Variants in TTC28 observed in about 807,000 individuals in gnomAD.
The protein encoded by TTC28 is tetratricopeptide repeat domain 28.
TTC28 carries 61 observed loss-of-function variants against 198.0 expected under a neutral mutation model. The observed-to-expected ratio is 0.31, with a 90% confidence interval of 0.25 to 0.38. The LOEUF (loss-of-function observed/expected upper bound fraction) is 0.38, where lower values mean the gene tolerates loss of function less well. Ranked by LOEUF, TTC28 falls within the 10% of genes least tolerant of loss-of-function variation. The pLI, the probability that TTC28 is intolerant of heterozygous loss-of-function variation, is 1.00. For synonymous variants in TTC28, 1,171 were observed against 1,297.8 expected, an observed-to-expected ratio of 0.90 and a Z score of 2.10; for missense variants, 2,678 against 3,164.0, an observed-to-expected ratio of 0.85 and a Z score of 3.69.
rs531640982 is a variant in TTC28, at chr22:28,653,458, G to A, written c.103-23628C>T. Among the ~76,000 whole-genome samples the A allele has an allele frequency of 4.0e-5, 6 of 151,822 alleles. No individual in the cohort carries two copies. The East Asian group carries it at 5.8e-4, about 15-fold the overall frequency. On this transcript the variant is annotated intron_variant, in intron 1 of 22. Coordinates refer to ENST00000397906, the MANE Select transcript of TTC28 (RefSeq NM_001145418.2). The stretch of plus-strand genomic sequence containing the variant: ...GTCAAGACTGCAGTGAGCTGAGATG[G>A]TGCCACTGCACTCCAGCCTGGGTGA...
intron 5 of TTC28, among the ~76,000 whole-genome samples, chr22:28,292,730 A>G (rs1300555903): frequency 6.6e-6 from 1 of 152,166 alleles, no homozygotes; most frequent in Admixed American, 6.5e-5. Flanking sequence ...CCCCTCTAGA[A>G]TTCCAGAATT....
rs951775629 is a variant in TTC28, at chr22:28,277,608, G to A, written c.933+18590C>T. 4.6e-5 allele frequency among the ~76,000 whole-genome samples: 7 copies of A among 152,066 alleles called. 1 individual carries two copies. In the South Asian group the frequency reaches 8.3e-4, roughly 18 times the overall value. On this transcript the variant is annotated intron_variant, in intron 5 of 22. Coordinates refer to ENST00000397906, the MANE Select transcript of TTC28 (RefSeq NM_001145418.2). ...TTATCTTTCTAAAAACTGGACACACGGTAGATTTTGTTTCAGCATGGATAA... is the reference window on the plus strand; with the variant it reads ...TTATCTTTCTAAAAACTGGACACACAGTAGATTTTGTTTCAGCATGGATAA...
chr22:28,399,731 T>C (rs1213204933), intron 2 of TTC28, among the ~76,000 whole-genome samples: 1 of 152,244 alleles, frequency 6.6e-6, no homozygotes, highest in African/African-American at 2.4e-5. Context: ...TGTTGTTTCA[T>C]ATTACCAAAA....
chr22:28,181,585 G>C (rs1233180143), intron 5 of TTC28, among the ~76,000 whole-genome samples: 1 of 152,114 alleles, frequency 6.6e-6, no homozygotes, highest in Admixed American at 6.5e-5. Flanking sequence ...ACAGGCATCT[G>C]TGCTATGTGT....
intron 5 of TTC28, among the ~76,000 whole-genome samples, chr22:28,235,667 G>T (rs981202859): frequency 2.0e-5 from 3 of 152,166 alleles, no homozygotes; most frequent in Non-Finnish European, 4.4e-5. Flanking sequence ...ATATGGTAAT[G>T]GTAGCGTCTC....
Position 27,983,540 on chromosome 22 carries a change from GAGGCAGCTGGCTCCT to G in TTC28, c.6112_6126del (p.Arg2038_Pro2042del). On this transcript the variant is annotated inframe_deletion, in exon 23 of 23. Coordinates refer to ENST00000397906, the MANE Select transcript of TTC28 (RefSeq NM_001145418.2). ...TTGTTGCCTGCAGGGCGGGTCTGGG[GAGGCAGCTGGCTCCT>G]AGGCAGGGTGGATCTCTGCAGGTAA... is the stretch of plus-strand genomic sequence containing the variant. The G allele has an allele frequency of 6.4e-7, 1 of 1,551,370 alleles. No individual in the cohort carries two copies. The highest frequency in any genetic ancestry group is 8.7e-7 in the Non-Finnish European group (1 of 1,146,922).
Position 28,014,356 on chromosome 22 carries a change from A to G in TTC28, c.4110T>C (p.Thr1370=), listed in dbSNP as rs1402682735. 1.9e-5 allele frequency: 30 copies of G among 1,551,398 alleles called. No homozygotes were observed. The highest frequency in any genetic ancestry group is 2.4e-5 in the Non-Finnish European group (28 of 1,146,938). The change falls in exon 14 of 23, where the codon ACT becomes ACC. Residue 1370 remains threonine, a synonymous_variant. Coordinates refer to ENST00000397906, the MANE Select transcript of TTC28 (RefSeq NM_001145418.2). ...CQSMTSLFSN[T]VSPTQDGTSS... Reference sequence around the variant, plus strand: ...AGGTCCCGTCCTGGGTCGGTGACACAGTGTTACTGAACAGGCTCGTCATGC... The same window carrying G: ...AGGTCCCGTCCTGGGTCGGTGACACGGTGTTACTGAACAGGCTCGTCATGC...
intron 2 of TTC28, among the ~76,000 whole-genome samples, chr22:28,510,639 T>C (rs979656128): frequency 1.2e-4 from 18 of 152,054 alleles, no homozygotes; most frequent in Non-Finnish European, 2.1e-4. Flanking sequence ...CAACATAGTA[T>C]TGGAAGTTCT....
intron 5 of TTC28, among the ~76,000 whole-genome samples, chr22:28,199,847 G>C (rs925408711): frequency 6.6e-6 from 1 of 151,876 alleles, no homozygotes; most frequent in Non-Finnish European, 1.5e-5. Context: ...AAATGGGAGA[G>C]GGGCAAAGGG....
At chr22:28,168,023 A>C (rs1044737058) in intron 5 of TTC28, among the ~76,000 whole-genome samples, 8 of 152,230 alleles carry the variant, frequency 5.3e-5, no homozygotes, top group Non-Finnish European at 7.3e-5. Context: ...CCTATACACC[A>C]AAAACAGACA....
At chr22:28,153,144 A>T (rs1245918314) in intron 6 of TTC28, among the ~76,000 whole-genome samples, 4 of 151,994 alleles carry the variant, frequency 2.6e-5, no homozygotes, top group African/African-American at 9.7e-5. Context: ...ATATGATTTT[A>T]TAAAAGTAAT....
intron 2 of TTC28, among the ~76,000 whole-genome samples, chr22:28,492,773 G>A (rs2048396946): frequency 6.6e-6 from 1 of 152,166 alleles, no homozygotes; most frequent in Admixed American, 6.5e-5. Flanking sequence ...TTAGCCCTTA[G>A]CATACAGTCT....
At chr22:28,115,305 C>A (rs1381680373) in intron 6 of TTC28, among the ~76,000 whole-genome samples, 1 of 152,186 alleles carries the variant, frequency 6.6e-6, no homozygotes, top group East Asian at 1.9e-4. Context: ...GGACTACAGG[C>A]ACACACCACC....
intron 2 of TTC28, among the ~76,000 whole-genome samples, chr22:28,537,293 AAAAATAAAATAAAAT>A (rs58235209): frequency 0.027 from 2,959 of 110,288 alleles, 135 homozygotes; most frequent in Non-Finnish European, 0.037. Context: ...ACTCCGTCTC[AAAAATAAAATAAAAT>A]AAAATAAAAT....
intron 2 of TTC28, among the ~76,000 whole-genome samples, chr22:28,569,719 T>C (rs561685419): frequency 6.6e-6 from 1 of 152,094 alleles, no homozygotes; most frequent in Non-Finnish European, 1.5e-5. Context: ...TGGGACCTAA[T>C]TAAACTAAGG....
intron 2 of TTC28, among the ~76,000 whole-genome samples, chr22:28,468,690 A>ATTTTTTTTTTTTTTTTTTT (rs35984422): frequency 8.2e-6 from 1 of 122,310 alleles, no homozygotes. Flanking sequence ...CGCCCGGCTA[A>ATTTTTTTTTTTTTTTTTTT]TTTTTTTTTT....
At chr22:28,454,274 T>C (rs1452360037) in intron 2 of TTC28, among the ~76,000 whole-genome samples, 1 of 152,226 alleles carries the variant, frequency 6.6e-6, no homozygotes, top group Non-Finnish European at 1.5e-5. Flanking sequence ...CTCTAAGTAG[T>C]GCTATCTGCA....
intron 10 of TTC28, among the ~76,000 whole-genome samples, chr22:28,097,472 A>C (rs1386361785): frequency 6.6e-6 from 1 of 152,180 alleles, no homozygotes; most frequent in Non-Finnish European, 1.5e-5. Flanking sequence ...TTGCTTCTCT[A>C]TCTCAAGCTT....
intron 5 of TTC28, among the ~76,000 whole-genome samples, chr22:28,275,854 G>T (rs868585603): frequency 1.3e-5 from 2 of 152,104 alleles, no homozygotes; most frequent in African/African-American, 4.8e-5. Context: ...CATGTGGGGT[G>T]GGAGCTGGTA....
Sources: allele counts gnomAD v4.1 joint callset (sites outside exome capture counted in the v4.1 genomes callset), GRCh38; gene constraint gnomAD v4.1.1; transcripts MANE v1.5; gene names NCBI Gene and HGNC (gene_info 2026-07-23, HGNC 2026-07-21).